Variants in DEPTOR observed in about 807,000 individuals in gnomAD.
DEPTOR encodes the protein DEP domain-containing mTOR-interacting protein.
A neutral mutation model predicts 41.6 loss-of-function variants in DEPTOR; 41 were observed. The ratio of observed to expected loss-of-function variants is 0.98; its 90% CI spans 0.77 to 1.28. The LOEUF is 1.28. Among genes scored for constraint, DEPTOR ranks in the 50% most tolerant of loss-of-function variants. The pLI, the probability that DEPTOR is intolerant of heterozygous loss-of-function variation, is 0.00. For missense variants in DEPTOR, 514 were observed against 527.9 expected (o/e 0.97, Z 0.26); for synonymous variants, 195 against 192.3 (o/e 1.01, Z -0.12).
At chr8:119,989,684 T>C (rs1435369686) in intron 4 of DEPTOR, among the ~76,000 whole-genome samples, 1 of 152,252 alleles carries the variant, frequency 6.6e-6, no homozygotes, top group East Asian at 1.9e-4. Context: ...TGTAATGTGC[T>C]TGGCACAGGG....
chr8:119,974,496 G>T (rs569053762), intron 4 of DEPTOR, among the ~76,000 whole-genome samples: 1 of 152,214 alleles, frequency 6.6e-6, no homozygotes, highest in East Asian at 1.9e-4. Context: ...TTCAGGCCAG[G>T]CGTGGTGGCT....
At chr8:119,920,800 A>G (rs1195581384) in intron 1 of DEPTOR, among the ~76,000 whole-genome samples, 1 of 152,100 alleles carries the variant, frequency 6.6e-6, no homozygotes, top group Non-Finnish European at 1.5e-5. Flanking sequence ...ACGAGTGCAC[A>G]TGGCTTGGAA....
chr8:120,016,809 G>A (rs1812618602), intron 8 of DEPTOR, among the ~76,000 whole-genome samples: 1 of 151,810 alleles, frequency 6.6e-6, no homozygotes, highest in Admixed American at 6.6e-5. Context: ...TCACCATGTT[G>A]CCTAGGTTGT....
At chr8:120,027,142 C>A (rs368135553) in intron 8 of DEPTOR, among the ~76,000 whole-genome samples, 1 of 151,324 alleles carries the variant, frequency 6.6e-6, no homozygotes, top group African/African-American at 2.4e-5. Context: ...CACTTGAACC[C>A]GGGAGACGGA....
intron 3 of DEPTOR, among the ~76,000 whole-genome samples, chr8:119,953,998 G>T (rs987006977): frequency 1.3e-5 from 2 of 151,858 alleles, no homozygotes; most frequent in East Asian, 1.9e-4. Flanking sequence ...TAGAGATGGG[G>T]TTTCAACATG....
At chr8:119,969,835 C>G (rs1010162202) in intron 4 of DEPTOR, 1 of 152,142 alleles carries the variant, frequency 6.6e-6, no homozygotes, top group Non-Finnish European at 1.5e-5. Flanking sequence ...TATGTTAGAG[C>G]TCATGGTAAG....
intron 1 of DEPTOR, among the ~76,000 whole-genome samples, chr8:119,926,978 C>T (rs944101225): frequency 6.6e-5 from 10 of 152,158 alleles, no homozygotes; most frequent in Non-Finnish European, 1.3e-4. Flanking sequence ...CATTTTCTTT[C>T]TTCGTAGATG....
chr8:120,043,327 T>A (rs1398881641), intron 8 of DEPTOR, among the ~76,000 whole-genome samples: 1 of 152,174 alleles, frequency 6.6e-6, no homozygotes, highest in African/African-American at 2.4e-5. Context: ...ACATGATAAA[T>A]GTTTTGAAGG....
At chr8:120,045,311 A>G (rs1035019039) in intron 8 of DEPTOR, among the ~76,000 whole-genome samples, 1 of 152,204 alleles carries the variant, frequency 6.6e-6, no homozygotes, top group Non-Finnish European at 1.5e-5. Context: ...GTGTGTGTGC[A>G]TACACTTAGA....
rs1358875593 is a variant in DEPTOR, at chr8:119,903,761, C to T, written c.123-24639C>T. Among the ~76,000 whole-genome samples, 8 of 152,284 alleles carry T rather than the reference C, an allele frequency of 5.3e-5. No homozygotes were observed. The South Asian group carries it at 6.2e-4, about 12-fold the overall frequency. On this transcript the variant is annotated intron_variant, in intron 1 of 8. Transcript: ENST00000286234. Reference sequence around the variant, plus strand: ...GAGCAGGACATGAGGCTTACAGCTCCGTCCTGGGCTCCTTTCTGCTCAGTC... The same window carrying T: ...GAGCAGGACATGAGGCTTACAGCTCTGTCCTGGGCTCCTTTCTGCTCAGTC...
intron 1 of DEPTOR, among the ~76,000 whole-genome samples, chr8:119,910,423 G>C (rs758832332): frequency 6.6e-6 from 1 of 151,838 alleles, no homozygotes; most frequent in Non-Finnish European, 1.5e-5. Flanking sequence ...AAATTTTTAG[G>C]GTTTTTGAAT....
At position 119,929,756 on chromosome 8, in the gene DEPTOR, GTAAT is replaced by G. The variant is rs1277756108; in HGVS notation, c.302-55_302-52del. 1.5e-5 allele frequency: 23 copies of G among 1,554,772 alleles called. No homozygotes were observed. The African/African-American group carries it at 2.3e-4, about 16-fold the overall frequency. ...TTAATTAGCATCATACTTCGCTTGA[GTAAT>G]TAAATAAGAGCGATTTTTTTTCTCA... On this transcript the variant is annotated intron_variant, in intron 2 of 8. Transcript: ENST00000286234.
intron 1 of DEPTOR, among the ~76,000 whole-genome samples, chr8:119,882,506 C>A (rs1827311145): frequency 6.6e-6 from 1 of 151,862 alleles, no homozygotes; most frequent in South Asian, 2.1e-4. Context: ...GTGATCCTTC[C>A]ACCTCAACCT....
In DEPTOR at chr8:119,916,266, ATTTTTTTT is replaced by A. The variant is rs71304925; in HGVS notation, c.123-12105_123-12098del. ...AGGCACATGCCACCAGGCTAGGCTA[ATTTTTTTT>A]TTTTTTTTTTTTTTTTTTTTTTTTT... On this transcript the variant is annotated intron_variant, in intron 1 of 8. Coordinates refer to ENST00000286234, the MANE Select transcript of DEPTOR (RefSeq NM_022783.4). Among the ~76,000 whole-genome samples, 244 of 123,312 alleles carry A rather than the reference ATTTTTTTT, an allele frequency of 2.0e-3. 5 individuals carry two copies. The highest frequency in any genetic ancestry group is 3.0e-3 in the Non-Finnish European group (181 of 59,506). 80.9% of individuals were successfully genotyped at this position (123,312 alleles called of 152,430 possible).
intron 1 of DEPTOR, among the ~76,000 whole-genome samples, chr8:119,879,671 A>G (rs1038859953): frequency 1.3e-5 from 2 of 152,078 alleles, no homozygotes; most frequent in African/African-American, 4.8e-5. Flanking sequence ...AGATTGCACC[A>G]TGACACTCCA....
chr8:119,998,670 T>G (rs1482335242), intron 4 of DEPTOR, among the ~76,000 whole-genome samples: 1 of 152,076 alleles, frequency 6.6e-6, no homozygotes, highest in Non-Finnish European at 1.5e-5. Context: ...ATTGAGGCAA[T>G]AAATAAATCT....
At chr8:120,041,084 C>G (rs948170558) in intron 8 of DEPTOR, among the ~76,000 whole-genome samples, 4 of 152,138 alleles carry the variant, frequency 2.6e-5, no homozygotes, top group Admixed American at 6.5e-5. Flanking sequence ...CCCCTTCAAT[C>G]CTTCATTCTC....
chr8:120,033,202 C>T (rs1812921126), intron 8 of DEPTOR, among the ~76,000 whole-genome samples: 1 of 151,164 alleles, frequency 6.6e-6, no homozygotes, highest in Non-Finnish European at 1.5e-5. Flanking sequence ...ATTCTCCTGC[C>T]TCAGCCTTCC....
chr8:119,999,398 G>C (rs1246123163), intron 4 of DEPTOR, among the ~76,000 whole-genome samples: 2 of 152,222 alleles, frequency 1.3e-5, no homozygotes, highest in East Asian at 1.9e-4. Context: ...AGGACATGCT[G>C]TATGAGGGCT....
Sources: allele counts gnomAD v4.1 joint callset (sites outside exome capture counted in the v4.1 genomes callset), GRCh38; gene constraint gnomAD v4.1.1; transcripts MANE v1.5; gene names NCBI Gene and HGNC (gene_info 2026-07-23, HGNC 2026-07-21).